The following AHCYL2 variants were observed in gnomAD, a reference collection of about 807,000 sequenced individuals.
AHCYL2 encodes the protein adenosylhomocysteinase like 2.
Under a neutral mutation model 81.4 loss-of-function variants are expected in AHCYL2, and 28 were observed. That is an observed-to-expected ratio of 0.34 (90% CI 0.25 to 0.47). AHCYL2 has a LOEUF of 0.47. Among genes scored for constraint, AHCYL2 ranks in the 20% least tolerant of loss-of-function variants. The pLI, the probability that AHCYL2 is intolerant of heterozygous loss-of-function variation, is 1.00. For synonymous variants in AHCYL2, 272 were observed against 290.2 expected, an observed-to-expected ratio of 0.94 and a Z score of 0.64; for missense variants, 551 against 785.1, an observed-to-expected ratio of 0.70 and a Z score of 3.56.
At chr7:129,362,545 C>T (rs937524893) in intron 1 of AHCYL2, among the ~76,000 whole-genome samples, 2 of 151,054 alleles carry the variant, frequency 1.3e-5, no homozygotes, top group Admixed American at 1.3e-4. Flanking sequence ...GAACTTTAGC[C>T]TCCATAATAA....
intron 1 of AHCYL2, among the ~76,000 whole-genome samples, chr7:129,261,248 A>G (rs1170853710): frequency 6.6e-6 from 1 of 152,138 alleles, no homozygotes; most frequent in Non-Finnish European, 1.5e-5. Flanking sequence ...CTTTAATGGT[A>G]TTATTTAATC....
At chr7:129,236,175 G>GC (rs1173276375) in intron 1 of AHCYL2, among the ~76,000 whole-genome samples, 1 of 151,470 alleles carries the variant, frequency 6.6e-6, no homozygotes, top group East Asian at 1.9e-4. Flanking sequence ...GGTACACGCT[G>GC]CCACGCCCAG....
intron 1 of AHCYL2, among the ~76,000 whole-genome samples, chr7:129,276,927 A>C (rs1796231351): frequency 6.6e-6 from 1 of 152,180 alleles, no homozygotes; most frequent in African/African-American, 2.4e-5. Context: ...AGATTATGAA[A>C]TAACAAATGT....
chr7:129,416,758 C>T (rs532943766), intron 12 of AHCYL2, among the ~76,000 whole-genome samples: 1 of 152,134 alleles, frequency 6.6e-6, no homozygotes, highest in African/African-American at 2.4e-5. Context: ...CAAGATCGCA[C>T]CATTGCACTC....
intron 12 of AHCYL2, among the ~76,000 whole-genome samples, chr7:129,415,990 G>A (rs758283346): frequency 3.3e-5 from 5 of 151,970 alleles, no homozygotes; most frequent in African/African-American, 4.8e-5. Flanking sequence ...AGTGAGCCGC[G>A]ATCACGCCAT....
intron 1 of AHCYL2, among the ~76,000 whole-genome samples, chr7:129,238,554 T>C (rs1794719752): frequency 6.6e-6 from 1 of 152,182 alleles, no homozygotes; most frequent in Admixed American, 6.5e-5. Flanking sequence ...CAGAAATAAC[T>C]AAATACAGTG....
At chr7:129,343,084 C>T (rs976190396) in intron 1 of AHCYL2, among the ~76,000 whole-genome samples, 1 of 152,108 alleles carries the variant, frequency 6.6e-6, no homozygotes, top group Admixed American at 6.5e-5. Flanking sequence ...TCATTGCATT[C>T]ACATTGGATT....
At chr7:129,394,440 CTTTTTTT>C (rs35797517) in intron 4 of AHCYL2, among the ~76,000 whole-genome samples, 3 of 45,746 alleles carry the variant, frequency 6.6e-5, no homozygotes, top group South Asian at 9.2e-4. Flanking sequence ...TTGTATTTGA[CTTTTTTT>C]TTTTTTTTTT....
rs141897166 is a variant in AHCYL2, at chr7:129,379,564, G to A, written c.364-74G>A. On this transcript the variant is annotated intron_variant, in intron 1 of 16. Transcript: ENST00000325006. ...CAACTGTTAGGGAAGGTGAAAGCCT[G>A]TAATACAAGCCTTGAATTGCTGTCT... 6.6e-4 allele frequency: 735 copies of A among 1,112,430 alleles called. 10 individuals carry two copies. The East Asian group carries it at 0.017, about 26-fold the overall frequency. 68.9% of individuals were successfully genotyped at this position (1,112,430 alleles called of 1,614,324 possible). A position where few individuals can be genotyped will look rare whatever the true frequency, so the allele number is the denominator to read the frequency against.
chr7:129,343,158 T>G (rs539958892), intron 1 of AHCYL2, among the ~76,000 whole-genome samples: 1 of 152,192 alleles, frequency 6.6e-6, no homozygotes, highest in East Asian at 1.9e-4. Flanking sequence ...TTAAAAAGCA[T>G]GAGGAGAAGG....
intron 1 of AHCYL2, chr7:129,375,582 T>C: frequency 1.6e-6 from 2 of 1,256,936 alleles, no homozygotes; most frequent in Non-Finnish European, 2.0e-6. Context: ...GGTCAGAGGA[T>C]CCATGTAATT....
intron 1 of AHCYL2, among the ~76,000 whole-genome samples, chr7:129,370,508 CTAACACAGT>C: frequency 6.6e-6 from 1 of 152,074 alleles, no homozygotes; most frequent in Non-Finnish European, 1.5e-5. Context: ...ATCATCCTGG[CTAACACAGT>C]GAAACCCGGT....
chr7:129,394,440 C>CTTTTTTTTTT (rs35797517), intron 4 of AHCYL2, among the ~76,000 whole-genome samples: 6 of 45,738 alleles, frequency 1.3e-4, no homozygotes, highest in Non-Finnish European at 1.6e-4. Context: ...TTGTATTTGA[C>CTTTTTTTTTT]TTTTTTTTTT....
At chr7:129,403,859 T>TTAAAAA (rs1796155366) in intron 7 of AHCYL2, among the ~76,000 whole-genome samples, 1 of 18,916 alleles carries the variant, frequency 5.3e-5, no homozygotes, top group Non-Finnish European at 1.2e-4. Flanking sequence ...AGACTCCATC[T>TTAAAAA]CAAAAAAAAA....
At chr7:129,338,253 ATCC>A (rs1363624472) in intron 1 of AHCYL2, among the ~76,000 whole-genome samples, 1 of 151,786 alleles carries the variant, frequency 6.6e-6, no homozygotes, top group Non-Finnish European at 1.5e-5. Context: ...GGCTCAAGCA[ATCC>A]TCCTGCCTCA....
intron 11 of AHCYL2, chr7:129,410,364 T>A: frequency 6.2e-7 from 1 of 1,614,178 alleles, no homozygotes; most frequent in Non-Finnish European, 8.5e-7. Flanking sequence ...GGTTTCCGTC[T>A]CAGCATACTG....
intron 1 of AHCYL2, among the ~76,000 whole-genome samples, chr7:129,230,324 C>T (rs1235094881): frequency 2.0e-5 from 3 of 151,630 alleles, no homozygotes; most frequent in East Asian, 3.9e-4. Context: ...CCTCGTGATC[C>T]ACCCGCCTCA....
At chr7:129,383,104 A>G (rs992395322) in intron 2 of AHCYL2, among the ~76,000 whole-genome samples, 5 of 152,170 alleles carry the variant, frequency 3.3e-5, no homozygotes, top group Middle Eastern at 3.4e-3. Flanking sequence ...TACTAGATTC[A>G]TATATACAAC....
chr7:129,403,601 C>T (rs1007657238), intron 7 of AHCYL2, 116 bp downstream of exon 7: 17 of 509,560 alleles, frequency 3.3e-5, no homozygotes, highest in East Asian at 9.3e-5. Context: ...CGGTGGCTCA[C>T]GCCTGTAATC....
Sources: allele counts gnomAD v4.1 joint callset (sites outside exome capture counted in the v4.1 genomes callset), GRCh38; gene constraint gnomAD v4.1.1; transcripts MANE v1.5; gene names NCBI Gene and HGNC (gene_info 2026-07-23, HGNC 2026-07-21).